The following SPTLC2 variants were observed in gnomAD, a reference collection of about 807,000 sequenced individuals.
SPTLC2 encodes serine palmitoyltransferase 2.
In SPTLC2, 21 loss-of-function variants were observed where a neutral mutation model predicts 62.0. The ratio of observed to expected loss-of-function variants is 0.34; its 90% CI spans 0.24 to 0.49. SPTLC2 has a LOEUF of 0.49. Among genes scored for constraint, SPTLC2 ranks in the 20% least tolerant of loss-of-function variants. The pLI, the probability that SPTLC2 is intolerant of heterozygous loss-of-function variation, is 0.99. For missense variants in SPTLC2, 511 were observed against 713.0 expected (o/e 0.72, Z 3.23); for synonymous variants, 261 against 261.8 (o/e 1.00, Z 0.03).
chr14:77,602,948 T>C (rs953609125), intron 1 of SPTLC2, among the ~76,000 whole-genome samples: 2 of 152,214 alleles, frequency 1.3e-5, no homozygotes, highest in African/African-American at 2.4e-5. Context: ...CCCTGGATTA[T>C]ATGTTGCCTT....
chr14:77,563,598 G>C (rs949230099), intron 5 of SPTLC2, among the ~76,000 whole-genome samples: 10 of 152,080 alleles, frequency 6.6e-5, no homozygotes, highest in Admixed American at 3.9e-4. Flanking sequence ...GCTAATATTT[G>C]TATTTTTAGT....
chr14:77,518,219 T>C (rs1422491797), intron 10 of SPTLC2, 52 bp from the exon 11 acceptor site: 7 of 1,612,178 alleles, frequency 4.3e-6, no homozygotes, highest in African/African-American at 1.3e-5. Flanking sequence ...AAAGCACTCA[T>C]TACAGAGGAC....
At chr14:77,589,160 T>C (rs973792073) in intron 2 of SPTLC2, among the ~76,000 whole-genome samples, 1 of 152,160 alleles carries the variant, frequency 6.6e-6, no homozygotes, top group Non-Finnish European at 1.5e-5. Context: ...TGAAAGGTTT[T>C]CAGACTACAA....
intron 10 of SPTLC2, among the ~76,000 whole-genome samples, 169 bp from the exon 11 acceptor site, chr14:77,518,336 C>T (rs2079368860): frequency 6.6e-6 from 1 of 152,184 alleles, no homozygotes; most frequent in Non-Finnish European, 1.5e-5. Flanking sequence ...CTCACAAATA[C>T]TTTTAAAGTC....
intron 1 of SPTLC2, among the ~76,000 whole-genome samples, chr14:77,600,688 T>C (rs2079872405): frequency 6.6e-6 from 1 of 152,216 alleles, no homozygotes; most frequent in Non-Finnish European, 1.5e-5. Context: ...TGTGACACTA[T>C]ATTAGCATTA....
At chr14:77,593,688 C>CTGGGCTCTCTTTTATAATTAACAT (rs2079831382) in intron 2 of SPTLC2, among the ~76,000 whole-genome samples, 1 of 152,126 alleles carries the variant, frequency 6.6e-6, no homozygotes, top group South Asian at 2.1e-4. Context: ...AGAATTAACA[C>CTGGGCTCTCTTTTATAATTAACAT]AGTTAAACTG....
chr14:77,610,302 C>T (rs1364485399), intron 1 of SPTLC2, among the ~76,000 whole-genome samples: 3 of 152,098 alleles, frequency 2.0e-5, no homozygotes, highest in Non-Finnish European at 4.4e-5. Context: ...CCACCACACC[C>T]GGCTAATTTT....
At chr14:77,589,922 G>A (rs988886046) in intron 2 of SPTLC2, among the ~76,000 whole-genome samples, 1 of 150,652 alleles carries the variant, frequency 6.6e-6, no homozygotes, top group Non-Finnish European at 1.5e-5. Flanking sequence ...AGACTGCAGT[G>A]AGCTGAGATC....
chr14:77,570,163 C>T (rs1316456077), intron 5 of SPTLC2, among the ~76,000 whole-genome samples: 4 of 140,738 alleles, frequency 2.8e-5, no homozygotes, highest in African/African-American at 1.1e-4. Flanking sequence ...ACAGAGGCTG[C>T]AGTGAGCTGA....
At chr14:77,517,932 T>C in intron 11 of SPTLC2, 106 bp downstream of exon 11, 5 of 1,564,006 alleles carry the variant, frequency 3.2e-6, no homozygotes, top group South Asian at 2.2e-5. Flanking sequence ...CCCTCTGTCT[T>C]AGGTGCTCAC....
intron 4 of SPTLC2, among the ~76,000 whole-genome samples, chr14:77,574,757 AT>A (rs1299094446): frequency 1.3e-5 from 2 of 152,230 alleles, no homozygotes; most frequent in African/African-American, 4.8e-5. Flanking sequence ...ACCAAATGTT[AT>A]ACAATTCCTT....
At chr14:77,518,258 G>A (rs1794974910) in intron 10 of SPTLC2, 91 bp from the exon 11 acceptor site, 15 of 1,573,800 alleles carry the variant, frequency 9.5e-6, no homozygotes, top group Middle Eastern at 1.7e-4. Flanking sequence ...TCAACTCTTT[G>A]GTGATGCAGG....
chr14:77,528,222 C>T (rs2079418490), intron 9 of SPTLC2, among the ~76,000 whole-genome samples: 1 of 151,958 alleles, frequency 6.6e-6, no homozygotes, highest in African/African-American at 2.4e-5. Flanking sequence ...AACTTCCCCA[C>T]CCCTCTTTTC....
intron 11 of SPTLC2, among the ~76,000 whole-genome samples, chr14:77,514,702 C>T (rs74063206): frequency 0.11 from 15,986 of 152,246 alleles, 863 homozygotes; most frequent in African/African-American, 0.12. Flanking sequence ...CAATTCATTG[C>T]TTCTAAGTAT....
chr14:77,578,726 T>C, intron 3 of SPTLC2: 1 of 453,224 alleles, frequency 2.2e-6, no homozygotes, highest in Non-Finnish European at 4.0e-6. Context: ...TCTCAAAAAA[T>C]AAATAAGCCA....
At position 77,595,297 on chromosome 14, in the gene SPTLC2, G is replaced by A. The variant is rs146069447; in HGVS notation, c.327+1889C>T. Among the ~76,000 whole-genome samples, 405 of 150,574 alleles carry A rather than the reference G, an allele frequency of 2.7e-3. 1 individual carries two copies. Among genetic ancestry groups the A allele is most frequent in the African/African-American group, 9.4e-3 (384 of 40,876 alleles). On this transcript the variant is annotated intron_variant, in intron 2 of 11. Coordinates refer to ENST00000216484, the MANE Select transcript of SPTLC2 (RefSeq NM_004863.4). ...TGAGAATTGCTTGGACCCGGGAGGC[G>A]GAGGTTGCAGTGAGCCGAGATCACA...
At chr14:77,587,515 C>T (rs958872338) in intron 2 of SPTLC2, among the ~76,000 whole-genome samples, 1 of 151,066 alleles carries the variant, frequency 6.6e-6, no homozygotes, top group African/African-American at 2.4e-5. Flanking sequence ...GCCTGTAATC[C>T]CAGCACTTTG....
chr14:77,559,411 C>G (rs959213452), intron 6 of SPTLC2, among the ~76,000 whole-genome samples: 2 of 152,090 alleles, frequency 1.3e-5, no homozygotes, highest in African/African-American at 4.8e-5. Flanking sequence ...CCCCCAAATT[C>G]CACATAAATT....
intron 2 of SPTLC2, among the ~76,000 whole-genome samples, chr14:77,594,699 A>C (rs1440204737): frequency 2.6e-5 from 4 of 152,194 alleles, no homozygotes; most frequent in African/African-American, 9.7e-5. Context: ...AGATTCTCCC[A>C]AACATTCTTC....
Sources: allele counts gnomAD v4.1 joint callset (sites outside exome capture counted in the v4.1 genomes callset), GRCh38; gene constraint gnomAD v4.1.1; transcripts MANE v1.5; gene names NCBI Gene and HGNC (gene_info 2026-07-23, HGNC 2026-07-21).